Variants in GNG2 observed in about 807,000 individuals in gnomAD.
GNG2 encodes guanine nucleotide-binding protein G(I)/G(S)/G(O) subunit gamma-2.
GNG2 carries 5 observed loss-of-function variants against 5.5 expected under a neutral mutation model. The ratio of observed to expected loss-of-function variants is 0.91; its 90% confidence interval spans 0.48 to 1.92. The LOEUF (loss-of-function observed/expected upper bound fraction) is 1.92. Ranked by LOEUF, GNG2 falls within the 30% of genes most tolerant of loss-of-function variation. The pLI is 0.01. For synonymous variants in GNG2, 28 were observed against 32.0 expected (o/e 0.88, Z 0.42); for missense variants, 55 against 88.4 (o/e 0.62, Z 1.52).
chr14:51,920,095 T>C (rs1185836800), intron 2 of GNG2, among the ~76,000 whole-genome samples: 1 of 152,108 alleles, frequency 6.6e-6, no homozygotes, highest in Non-Finnish European at 1.5e-5. Context: ...ATCTGAGGGT[T>C]CTGCATCTGA....
chr14:51,904,174 T>C (rs1044310461), intron 2 of GNG2, among the ~76,000 whole-genome samples: 18 of 152,160 alleles, frequency 1.2e-4, no homozygotes, highest in Non-Finnish European at 2.4e-4. Flanking sequence ...CACCTGACCC[T>C]GGGTGCTCAA....
chr14:51,876,510 G>A lies in GNG2; in HGVS notation c.-70-1107G>A, dbSNP rs145727511. Among the ~76,000 whole-genome samples the A allele has an allele frequency of 1.1e-3, 165 of 152,166 alleles. 1 individual carries two copies. The highest frequency in any genetic ancestry group is 3.3e-3 in the African/African-American group (137 of 41,500). On this transcript the variant is annotated intron_variant, in intron 1 of 3. Coordinates refer to ENST00000556766, the MANE Select transcript of GNG2 (RefSeq NM_053064.5). ...CTATCACCAATAACAAATGAGTGCCGGGCCCAGAACCCCCTTGAACAGGCT... is the reference window on the plus strand; with the variant it reads ...CTATCACCAATAACAAATGAGTGCCAGGCCCAGAACCCCCTTGAACAGGCT...
At chr14:51,928,486 G>A (rs1483176235) in intron 2 of GNG2, among the ~76,000 whole-genome samples, 4 of 152,068 alleles carry the variant, frequency 2.6e-5, no homozygotes, top group Non-Finnish European at 4.4e-5. Context: ...AGCAGCCTGC[G>A]CCACAACTGT....
At chr14:51,829,558 C>T (rs1275151046) in intron 2 of GNG2, among the ~76,000 whole-genome samples, 1 of 152,112 alleles carries the variant, frequency 6.6e-6, no homozygotes. Context: ...TATTTCCTAC[C>T]ATCCTTATAA....
chr14:51,827,637 G>A (rs764819867), intron 1 of GNG2: 1 of 691,952 alleles, frequency 1.4e-6, no homozygotes, highest in Admixed American at 2.1e-5. Context: ...TGTGTTGGAT[G>A]TTCATCCACG....
chr14:51,858,129 C>A (rs918821890), upstream of GNG2, among the ~76,000 whole-genome samples: 3 of 152,112 alleles, frequency 2.0e-5, no homozygotes, highest in Non-Finnish European at 2.9e-5. Context: ...CTATTAATGG[C>A]GAGATGTCAT....
At chr14:51,846,790 T>C (rs1881640543) in intron 2 of GNG2, among the ~76,000 whole-genome samples, 1 of 152,218 alleles carries the variant, frequency 6.6e-6, no homozygotes, top group Non-Finnish European at 1.5e-5. Context: ...CATGCACCCC[T>C]ACTCCAGGAA....
Position 51,947,727 on chromosome 14 carries a change from A to C in GNG2, c.-29-2923A>C, listed in dbSNP as rs192938253. ...TAATATATTACAGCAGCAATAGAAC[A>C]AATATATTCTCTATCTCAGCCTCCT... On this transcript the variant is annotated intron_variant, in intron 2 of 3. Coordinates refer to ENST00000556766, the MANE Select transcript of GNG2 (RefSeq NM_053064.5). Among the ~76,000 whole-genome samples, 18 of 152,208 alleles carry C rather than the reference A, an allele frequency of 1.2e-4. No homozygotes were observed. In the East Asian group the frequency reaches 3.3e-3, roughly 28 times the overall value.
chr14:51,873,440 T>G (rs957311386), intron 1 of GNG2, among the ~76,000 whole-genome samples: 2 of 152,224 alleles, frequency 1.3e-5, no homozygotes, highest in Non-Finnish European at 2.9e-5. Context: ...TTAGCTTCAA[T>G]TTGCCTACTG....
At chr14:51,913,636 G>A (rs1332799368) in intron 2 of GNG2, among the ~76,000 whole-genome samples, 1 of 152,290 alleles carries the variant, frequency 6.6e-6, no homozygotes, top group African/African-American at 2.4e-5. Context: ...TTGAGATCAG[G>A]GAAGAAGCAG....
chr14:51,835,928 T>A (rs1275657334), intron 2 of GNG2, among the ~76,000 whole-genome samples: 1 of 152,034 alleles, frequency 6.6e-6, no homozygotes, highest in African/African-American at 2.4e-5. Flanking sequence ...GGGAAACATA[T>A]ATTATAAATA....
chr14:51,942,845 A>G (rs1277108733), intron 2 of GNG2, among the ~76,000 whole-genome samples: 1 of 151,970 alleles, frequency 6.6e-6, no homozygotes, highest in Non-Finnish European at 1.5e-5. Flanking sequence ...ATGCTATACC[A>G]TGGTTGCCAT....
intron 1 of GNG2, among the ~76,000 whole-genome samples, chr14:51,863,354 A>C (rs1008670974): frequency 2.6e-5 from 4 of 152,098 alleles, no homozygotes; most frequent in African/African-American, 9.7e-5. Flanking sequence ...ACATAATCAA[A>C]GTTGTTGTTT....
At chr14:51,928,442 C>T (rs1887466870) in intron 2 of GNG2, among the ~76,000 whole-genome samples, 1 of 152,140 alleles carries the variant, frequency 6.6e-6, no homozygotes, top group Non-Finnish European at 1.5e-5. Flanking sequence ...ACTGAGCCTC[C>T]TATAAACATT....
rs146418533 is a variant in GNG2, at chr14:51,966,622, C to A, written c.151C>A (p.Leu51Met). The A allele has an allele frequency of 2.1e-4, 334 of 1,613,310 alleles. No individual in the cohort carries two copies. Among genetic ancestry groups the A allele is most frequent in the Non-Finnish European group, 2.5e-4 (297 of 1,179,340 alleles). ...AGCACATGCCAAGGAAGACCCCCTC[C>A]TGACCCCTGTTCCGGCTTCAGAAAA... ...CEAHAKEDPL[L>M]TPVPASENPF... Residue 51 changes from leucine to methionine, a missense_variant, in exon 4 of 4, where the codon CTG becomes ATG. Leu to Met is a conservative substitution (Grantham distance 15, BLOSUM62 2). Coordinates refer to ENST00000556766, the MANE Select transcript of GNG2 (RefSeq NM_053064.5).
In GNG2 at chr14:51,967,441, T is replaced by C. The variant is rs1202170658; in HGVS notation, c.*754T>C. On this transcript the variant is annotated 3_prime_UTR_variant, in exon 4 of 4. Transcript: ENST00000556766. ...TGGTGCTTTCATATATTTGTGACAA[T>C]TTTTGAGTAATATTGCATGAAAATG... 6.6e-6 allele frequency: 1 copy of C among 152,152 alleles called. No homozygotes were observed. The highest frequency in any genetic ancestry group is 2.4e-5 in the African/African-American group (1 of 41,434). 9.4% of individuals were successfully genotyped at this position (152,152 alleles called of 1,614,324 possible). A position where few individuals can be genotyped will look rare whatever the true frequency, so the allele number is the denominator to read the frequency against.
chr14:51,841,038 GCAT>G (rs1881468666), intron 2 of GNG2, among the ~76,000 whole-genome samples: 1 of 152,156 alleles, frequency 6.6e-6, no homozygotes, highest in East Asian at 1.9e-4. Flanking sequence ...GACCACAAAT[GCAT>G]AATATGAAAC....
At chr14:51,960,666 A>T (rs926588114) in intron 3 of GNG2, among the ~76,000 whole-genome samples, 1 of 110,136 alleles carries the variant, frequency 9.1e-6, no homozygotes, top group Non-Finnish European at 1.8e-5. Context: ...GTTAACAGTT[A>T]AGTTACTTGG....
chr14:51,897,504 C>T (rs940513777), intron 2 of GNG2, among the ~76,000 whole-genome samples: 1 of 152,058 alleles, frequency 6.6e-6, no homozygotes, highest in Admixed American at 6.6e-5. Flanking sequence ...ACAGATGGAA[C>T]CAAATTTCCA....
Sources: allele counts gnomAD v4.1 joint callset (sites outside exome capture counted in the v4.1 genomes callset), GRCh38; gene constraint gnomAD v4.1.1; transcripts MANE v1.5; gene names NCBI Gene and HGNC (gene_info 2026-07-23, HGNC 2026-07-21).